Variants in TENM4 observed in about 807,000 individuals in gnomAD.
TENM4 encodes the protein teneurin transmembrane protein 4.
In TENM4, 82 loss-of-function variants were observed where a neutral mutation model predicts 243.3. That is an observed-to-expected ratio of 0.34 (90% confidence interval 0.28 to 0.40). The LOEUF (loss-of-function observed/expected upper bound fraction) is 0.40, where lower values mean the gene tolerates loss of function less well. Among genes scored for constraint, TENM4 ranks in the 10% least tolerant of loss-of-function variants. TENM4 has a pLI of 1.00. For synonymous variants in TENM4, 1,412 were observed against 1,456.3 expected (o/e 0.97, Z 0.69); for missense variants, 3,138 against 3,673.3 (o/e 0.85, Z 3.77).
At chr11:78,760,271 C>T (rs910229319) in intron 18 of TENM4, among the ~76,000 whole-genome samples, 10 of 152,186 alleles carry the variant, frequency 6.6e-5, no homozygotes, top group East Asian at 5.8e-4. Flanking sequence ...CAGAGGTCGA[C>T]GGAGCCTTTT....
intron 4 of TENM4, among the ~76,000 whole-genome samples, chr11:79,107,044 T>G (rs1861388155): frequency 6.6e-6 from 1 of 152,166 alleles, no homozygotes; most frequent in African/African-American, 2.4e-5. Flanking sequence ...TCATCATCAG[T>G]ACAATCCTAG....
At chr11:78,746,651 C>G (rs1856058940) in intron 19 of TENM4, among the ~76,000 whole-genome samples, 2 of 152,250 alleles carry the variant, frequency 1.3e-5, no homozygotes, top group African/African-American at 2.4e-5. Flanking sequence ...AGGACTGAGA[C>G]AGTCTGGCCA....
At chr11:78,921,983 C>T (rs966190541) in intron 6 of TENM4, among the ~76,000 whole-genome samples, 5 of 152,230 alleles carry the variant, frequency 3.3e-5, no homozygotes, top group Non-Finnish European at 5.9e-5. Flanking sequence ...GACAGGCTTA[C>T]AGACAACAGC....
At chr11:79,392,835 C>G (rs1287176158) in intron 1 of TENM4, among the ~76,000 whole-genome samples, 1 of 152,198 alleles carries the variant, frequency 6.6e-6, no homozygotes, top group Non-Finnish European at 1.5e-5. Flanking sequence ...TTGTCTCTCC[C>G]TTTCTCTCCG....
intron 19 of TENM4, among the ~76,000 whole-genome samples, chr11:78,743,568 C>G (rs1855979944): frequency 6.6e-6 from 1 of 152,130 alleles, no homozygotes; most frequent in South Asian, 2.1e-4. Flanking sequence ...GTTAGAGAAC[C>G]TAGGGCTGGA....
chr11:78,994,177 T>C (rs1565158796), intron 6 of TENM4, among the ~76,000 whole-genome samples: 1 of 152,240 alleles, frequency 6.6e-6, no homozygotes, highest in Non-Finnish European at 1.5e-5. Flanking sequence ...CCTTCCCTTC[T>C]GGGTAGTTGG....
chr11:79,042,417 G>A (rs946512600), intron 6 of TENM4, among the ~76,000 whole-genome samples: 2 of 152,174 alleles, frequency 1.3e-5, no homozygotes, highest in African/African-American at 4.8e-5. Flanking sequence ...GAGATGATTA[G>A]GCCAAGAGGG....
At chr11:79,407,022 T>A (rs1396347113) in intron 1 of TENM4, among the ~76,000 whole-genome samples, 1 of 152,184 alleles carries the variant, frequency 6.6e-6, no homozygotes, top group Non-Finnish European at 1.5e-5. Context: ...GACAGTTTCC[T>A]GCCCCTGACC....
chr11:78,787,030 G>T lies in TENM4; in HGVS notation c.2233C>A (p.Arg745Ser). Residue 745 changes from arginine (R) to serine (S), a missense_variant, in exon 16 of 34, where the codon CGC (arginine) becomes AGC (serine). By Grantham distance (110) the Arg-to-Ser change is moderately radical. This residue lies in a region of TENM4 where 2,467 missense variants were observed against 3,059.1 expected (regional missense o/e 0.81). Transcript: ENST00000278550. ...GHGVCVGGTCRCEDGWMGAAC... is the reference protein window; with the variant it reads ...GHGVCVGGTCSCEDGWMGAAC... The stretch of plus-strand genomic sequence containing the variant: ...GCCCCCATCCAGCCATCCTCGCAGC[G>T]GCAGGTGCCCCCTACGCACACGCCA... 1.3e-6 allele frequency: 2 copies of T among 1,557,944 alleles called. No individual in the cohort carries two copies. Among genetic ancestry groups the T allele is most frequent in the Non-Finnish European group, 1.7e-6 (2 of 1,150,782 alleles).
At chr11:78,972,133 T>A (rs1054646454) in intron 6 of TENM4, among the ~76,000 whole-genome samples, 1 of 152,204 alleles carries the variant, frequency 6.6e-6, no homozygotes, top group African/African-American at 2.4e-5. Context: ...AAAAAAACAA[T>A]AAATGTTATT....
At chr11:78,839,326 C>G (rs1331916061) in intron 12 of TENM4, among the ~76,000 whole-genome samples, 1 of 152,138 alleles carries the variant, frequency 6.6e-6, no homozygotes, top group Non-Finnish European at 1.5e-5. Context: ...TTTTATAGCT[C>G]TCAATAAAAT....
intron 1 of TENM4, among the ~76,000 whole-genome samples, chr11:79,351,113 G>T: frequency 6.6e-6 from 1 of 152,094 alleles, no homozygotes; most frequent in Admixed American, 6.5e-5. Flanking sequence ...TGCTTTTCCC[G>T]CAGGTATTTT....
At chr11:78,981,886 C>T (rs546661143) in intron 6 of TENM4, among the ~76,000 whole-genome samples, 1 of 152,210 alleles carries the variant, frequency 6.6e-6, no homozygotes, top group South Asian at 2.1e-4. Flanking sequence ...GACTGTGCTG[C>T]TCTCATGGAG....
intron 4 of TENM4, among the ~76,000 whole-genome samples, chr11:79,100,892 A>G (rs1001609718): frequency 6.6e-5 from 10 of 151,942 alleles, no homozygotes; most frequent in African/African-American, 2.2e-4. Flanking sequence ...TCCTCTGTCC[A>G]TTTTCTCCAG....
At chr11:78,844,807 A>C (rs1858352608) in intron 12 of TENM4, among the ~76,000 whole-genome samples, 1 of 152,184 alleles carries the variant, frequency 6.6e-6, no homozygotes. Flanking sequence ...TTGGATGTGC[A>C]GTGTTCAGAA....
At chr11:79,242,891 C>T (rs921683932) in intron 2 of TENM4, among the ~76,000 whole-genome samples, 1 of 152,178 alleles carries the variant, frequency 6.6e-6, no homozygotes, top group Non-Finnish European at 1.5e-5. Flanking sequence ...CAAATCTGCC[C>T]CTTCCACAGT....
rs140688528 is a variant in TENM4 at position 79,087,459 on chromosome 11, T to C, written c.-65-17450A>G. On this transcript the variant is annotated intron_variant, in intron 4 of 33. Transcript: ENST00000278550. The stretch of plus-strand genomic sequence containing the variant: ...GGAGCAGAAACATGCTGCATGGGAA[T>C]CCTATTGCTTGGGATCAGAGATCGC... Among the ~76,000 whole-genome samples the C allele has an allele frequency of 3.3e-3, 497 of 152,344 alleles. 12 individuals are homozygous for C. The South Asian group carries it at 0.051, about 15-fold the overall frequency.
At chr11:79,192,226 A>G (rs1863526335) in intron 3 of TENM4, among the ~76,000 whole-genome samples, 1 of 151,878 alleles carries the variant, frequency 6.6e-6, no homozygotes, top group Non-Finnish European at 1.5e-5. Flanking sequence ...CTGGGAAGTG[A>G]GGAGCCCCTC....
intron 6 of TENM4, among the ~76,000 whole-genome samples, chr11:78,922,044 T>C (rs140305954): frequency 3.3e-5 from 5 of 152,274 alleles, no homozygotes; most frequent in East Asian, 1.9e-4. Flanking sequence ...GTATATTGAA[T>C]GTGATGAGGC....
Sources: gnomAD v4.1 joint callset for allele counts (sites outside exome capture counted in the v4.1 genomes callset) on GRCh38, gnomAD v4.1.1 for gene constraint, gnomAD v4.1.1 regional missense constraint, MANE v1.5 for transcripts, NCBI Gene and HGNC (gene_info 2026-07-23, HGNC 2026-07-21) for gene names.